MED13: variants seen among roughly 807,000 people sequenced by gnomAD.
MED13 encodes the protein mediator complex subunit 13.
MED13 carries 23 observed loss-of-function variants against 225.2 expected under a neutral mutation model. That is an observed-to-expected ratio of 0.10 (90% CI 0.07 to 0.14). The LOEUF (loss-of-function observed/expected upper bound fraction) is 0.14, where lower values mean the gene tolerates loss of function less well. MED13 is among the 10% of genes least tolerant of loss of function. MED13 has a pLI of 1.00. For synonymous variants in MED13, 942 were observed against 889.2 expected (o/e 1.06, Z -1.06); for missense variants, 2,197 against 2,594.5 (o/e 0.85, Z 3.33).
In MED13 at chr17:61,961,759, C is replaced by G; in HGVS notation, c.5085G>C (p.Leu1695=). ...VSVQIIPCQY[L]LQPVKHEDRE... Reference sequence around the variant, plus strand: ...TATCTTCATGCTTCACAGGTTGCAACAGGTACTGACAAGGAATAATCTAAG... The same window carrying G: ...TATCTTCATGCTTCACAGGTTGCAAGAGGTACTGACAAGGAATAATCTAAG... Residue 1695 remains leucine, a synonymous_variant, in exon 22 of 30, where the codon CTG becomes CTC. Coordinates refer to ENST00000397786, the MANE Select transcript of MED13 (RefSeq NM_005121.3). 6.2e-7 allele frequency: 1 copy of G among 1,613,692 alleles called. No homozygotes were observed. Among genetic ancestry groups the G allele is most frequent in the Non-Finnish European group, 8.5e-7 (1 of 1,179,712 alleles).
chr17:61,982,788 T>C lies in MED13; in HGVS notation c.3215A>G (p.Tyr1072Cys), dbSNP rs2080215929. ...TGATTCTGAAAGGATGAGGTTTACA[T>C]AAAGACTGTGTGCTTCAGGGATGGA... ...VPSIPEAHSL[Y>C]VNLILSESVM... is the part of the protein sequence containing the mutation. Residue 1072 changes from tyrosine to cysteine, a missense_variant, in exon 16 of 30, where the codon TAT (tyrosine) becomes TGT (cysteine). This residue lies in a region of MED13 where 99 missense variants were observed against 158.5 expected (regional missense o/e 0.62). Transcript: ENST00000397786. 1 of 1,614,194 alleles carries C rather than the reference T, an allele frequency of 6.2e-7. No individual in the cohort carries two copies. The highest frequency in any genetic ancestry group is 8.5e-7 in the Non-Finnish European group (1 of 1,180,024).
At chr17:62,020,423 C>G (rs2080629041) in intron 8 of MED13, among the ~76,000 whole-genome samples, 2 of 152,132 alleles carry the variant, frequency 1.3e-5, no homozygotes, top group African/African-American at 4.8e-5. Flanking sequence ...TTTTGCCAGG[C>G]TGGAGTGCAG....
rs1267367816 is a variant in MED13 at position 61,993,196 on chromosome 17, C to CTTTTT, written c.2182-576_2182-575insAAAAA. 1.8e-3 allele frequency among the ~76,000 whole-genome samples: 231 copies of CTTTTT among 127,370 alleles called. 4 individuals are homozygous for CTTTTT. Among genetic ancestry groups the CTTTTT allele is most frequent in the African/African-American group, 6.9e-3 (192 of 27,816 alleles). The allele number at this position is 127,370 out of a possible 152,430, so 83.6% of individuals were successfully genotyped here. On this transcript the variant is annotated intron_variant, in intron 10 of 29. Coordinates refer to ENST00000397786, the MANE Select transcript of MED13 (RefSeq NM_005121.3). Reference sequence around the variant, plus strand: ...CAAAGTCCATGTTCTTTCTTTCTTTCTTTCTTTTTTTTTTTTTTTTTTTGA... The same window carrying CTTTTT: ...CAAAGTCCATGTTCTTTCTTTCTTTCTTTTTTTTCTTTTTTTTTTTTTTTTTTTGA...
chr17:62,055,038 A>G (rs2080985591), intron 2 of MED13, among the ~76,000 whole-genome samples: 1 of 152,216 alleles, frequency 6.6e-6, no homozygotes, highest in African/African-American at 2.4e-5. Flanking sequence ...TCGCAAAAAT[A>G]GTAAATAAAA....
At chr17:62,064,073 A>G (rs1311217658) in intron 1 of MED13, among the ~76,000 whole-genome samples, 2 of 152,238 alleles carry the variant, frequency 1.3e-5, no homozygotes, top group Non-Finnish European at 2.9e-5. Flanking sequence ...AGCAAAGCAT[A>G]AGGTGCCAAA....
Position 62,010,619 on chromosome 17 carries a change from A to C in MED13, c.1898T>G (p.Leu633Arg). 6.7e-7 allele frequency: 1 copy of C among 1,493,582 alleles called. No homozygotes were observed. The highest frequency in any genetic ancestry group is 8.9e-7 in the Non-Finnish European group (1 of 1,120,694). 92.5% of individuals were successfully genotyped at this position (1,493,582 alleles called of 1,614,324 possible). The change falls in exon 9 of 30, where the codon CTT (leucine) becomes CGT (arginine). Residue 633 changes from leucine (L) to arginine (R), a missense_variant. Around this residue, in one of 12 missense-constraint regions of MED13, gnomAD observed 884 missense variants for 918.5 expected, o/e 0.96. Coordinates refer to ENST00000397786, the MANE Select transcript of MED13 (RefSeq NM_005121.3). Reference protein sequence around the residue: ...KKDVEFLPPQLPSDKFKDDPV... With the variant: ...KKDVEFLPPQRPSDKFKDDPV... ...ATCATCCTTGAATTTATCACTTGGA[A>C]GTTGAGGTGGTAAAAACTCTACATC...
chr17:61,999,837 A>C (rs1367186341), intron 9 of MED13, among the ~76,000 whole-genome samples: 1 of 152,140 alleles, frequency 6.6e-6, no homozygotes, highest in Non-Finnish European at 1.5e-5. Context: ...TAGTAGCATC[A>C]CCGGAGACCA....
intron 26 of MED13, 120 bp from the exon 27 acceptor site, chr17:61,953,233 CT>C (rs1437992541): frequency 2.1e-6 from 2 of 966,910 alleles, no homozygotes; most frequent in Non-Finnish European, 3.0e-6. Flanking sequence ...CCAACATTTA[CT>C]GAGTGTCTAC....
At chr17:62,060,052 G>A (rs2081026044) in intron 2 of MED13, among the ~76,000 whole-genome samples, 1 of 152,154 alleles carries the variant, frequency 6.6e-6, no homozygotes, top group Admixed American at 6.5e-5. Flanking sequence ...AGCACTTTGG[G>A]AGGCCGAGGC....
rs200927233 is a variant in MED13 at position 62,012,705 on chromosome 17, C to CT, written c.1284-1473dup. Among the ~76,000 whole-genome samples, 185 of 152,092 alleles carry CT rather than the reference C, an allele frequency of 1.2e-3. No homozygotes were observed. In the East Asian group the frequency reaches 0.031, roughly 26 times the overall value. On this transcript the variant is annotated intron_variant, in intron 8 of 29. Transcript: ENST00000397786. ...ATTAGGTTTTACTTTTTAAATTTTACTTTTTTGCTGAATCAGAGCTATCCA... is the reference window on the plus strand; with the variant it reads ...ATTAGGTTTTACTTTTTAAATTTTACTTTTTTTGCTGAATCAGAGCTATCCA...
chr17:61,992,147 G>C (rs1025927650), intron 11 of MED13, among the ~76,000 whole-genome samples: 3 of 152,050 alleles, frequency 2.0e-5, no homozygotes, highest in African/African-American at 7.2e-5. Context: ...GTTTTTCCTG[G>C]AGAGTATAAC....
chr17:62,040,924 T>C (rs934488973), intron 3 of MED13, among the ~76,000 whole-genome samples: 7 of 152,138 alleles, frequency 4.6e-5, no homozygotes, highest in South Asian at 2.1e-4. Context: ...CTCCTCTGCA[T>C]TGCCTTTGGG....
At chr17:61,998,202 C>T (rs2080362243) in intron 9 of MED13, among the ~76,000 whole-genome samples, 1 of 152,106 alleles carries the variant, frequency 6.6e-6, no homozygotes, top group Admixed American at 6.6e-5. Flanking sequence ...TTTTAGAATA[C>T]GAATAACCCT....
rs577250180 is a variant in MED13 at position 61,943,542 on chromosome 17, T to C, written c.*2926A>G. On this transcript the variant is annotated 3_prime_UTR_variant, in exon 30 of 30. Coordinates refer to ENST00000397786, the MANE Select transcript of MED13 (RefSeq NM_005121.3). ...GAGTACGAATACAGCTGAGGATAGTTGACTAAGTAGTAAGAGCTTAATTTT... is the reference window on the plus strand; with the variant it reads ...GAGTACGAATACAGCTGAGGATAGTCGACTAAGTAGTAAGAGCTTAATTTT... The C allele has an allele frequency of 6.5e-6, 1 of 152,730 alleles. No individual in the cohort carries two copies. Among genetic ancestry groups the C allele is most frequent in the East Asian group, 1.9e-4 (1 of 5,192 alleles). 9.5% of individuals were successfully genotyped at this position (152,730 alleles called of 1,614,324 possible). A position where few individuals can be genotyped will look rare whatever the true frequency, so the allele number is the denominator to read the frequency against.
chr17:62,003,659 A>G (rs1228380685), intron 9 of MED13: 3 of 150,374 alleles, frequency 2.0e-5, no homozygotes, highest in Non-Finnish European at 4.4e-5. Context: ...CATTTCAGTA[A>G]CTAGTATAAC....
chr17:62,038,996 G>A (rs2143705321), intron 3 of MED13, among the ~76,000 whole-genome samples: 1 of 152,160 alleles, frequency 6.6e-6, no homozygotes, highest in South Asian at 2.1e-4. Context: ...TGTTAAATAA[G>A]AAAATAAAAT....
chr17:61,995,184 T>G lies in MED13; in HGVS notation c.2149A>C (p.Asn717His). The change falls in exon 10 of 30, where the codon AAT becomes CAT. Residue 717 changes from asparagine (N) to histidine (H), a missense_variant. Physicochemically the swap from Asn to His is moderately conservative, Grantham distance 68. This residue lies in a region of MED13 where 884 missense variants were observed against 918.5 expected (regional missense o/e 0.96). Transcript: ENST00000397786. The stretch of plus-strand genomic sequence containing the variant: ...TTTTTTCCAGCTTCTCTCTCACTAT[T>G]TTGTCTATCTTTTTTATCAGGAAAA... ...FLFPDKKDRQ[N>H]SEREAGKKHK... The G allele has an allele frequency of 6.2e-7, 1 of 1,613,736 alleles. No individual in the cohort carries two copies. The highest frequency in any genetic ancestry group is 2.2e-5 in the East Asian group (1 of 44,814).
intron 9 of MED13, among the ~76,000 whole-genome samples, chr17:62,009,847 T>C (rs142056839): frequency 6.6e-6 from 1 of 152,332 alleles, no homozygotes; most frequent in East Asian, 1.9e-4. Flanking sequence ...GTATTTACTA[T>C]ATATTCATAA....
chr17:62,061,820 A>C (rs1049459222), intron 2 of MED13, among the ~76,000 whole-genome samples: 2 of 152,216 alleles, frequency 1.3e-5, no homozygotes, highest in African/African-American at 4.8e-5. Flanking sequence ...AACTACATTA[A>C]ATACACACAA....
Sources: gnomAD v4.1 joint callset for allele counts (sites outside exome capture counted in the v4.1 genomes callset) on GRCh38, gnomAD v4.1.1 for gene constraint, gnomAD v4.1.1 regional missense constraint, MANE v1.5 for transcripts, NCBI Gene and HGNC (gene_info 2026-07-23, HGNC 2026-07-21) for gene names.